The following FRMPD4 variants were observed in gnomAD, a reference collection of about 807,000 sequenced individuals.
The protein encoded by FRMPD4 is FERM and PDZ domain containing 4, also known as FERM and PDZ domain-containing protein 4.
Under a neutral mutation model 94.1 loss-of-function variants are expected in FRMPD4, and 22 were observed. The ratio of observed to expected loss-of-function variants is 0.23; its 90% CI spans 0.17 to 0.33. The LOEUF (loss-of-function observed/expected upper bound fraction) is 0.33. Among genes scored for constraint, FRMPD4 ranks in the 10% least tolerant of loss-of-function variants. The pLI, the probability that FRMPD4 is intolerant of heterozygous loss-of-function variation, is 1.00. For synonymous variants in FRMPD4, 631 were observed against 548.6 expected, an observed-to-expected ratio of 1.15 and a Z score of -2.10; for missense variants, 1,111 against 1,339.9, an observed-to-expected ratio of 0.83 and a Z score of 2.67.
intron 1 of FRMPD4, among the ~76,000 whole-genome samples, chrX:12,385,944 C>T (rs1601883714): frequency 8.9e-6 from 1 of 112,324 alleles, no homozygotes; most frequent in Non-Finnish European, 1.9e-5. Context: ...CCTTTAAAAT[C>T]ATTCCTTTGA....
intron 1 of FRMPD4, among the ~76,000 whole-genome samples, chrX:12,148,082 A>G (rs995184452): frequency 8.9e-6 from 1 of 112,077 alleles, no homozygotes; most frequent in African/African-American, 3.2e-5. Flanking sequence ...ACCCTACAGT[A>G]GCCTGCAAGT....
At chrX:11,918,698 C>G (rs111277237) in intron 3 of FRMPD4, among the ~76,000 whole-genome samples, 6,368 of 112,523 alleles carry the variant, frequency 0.057, 179 homozygotes, top group East Asian at 0.15. Flanking sequence ...ATTTGTATGT[C>G]CTAGCCACAC....
chrX:12,373,483 C>T (rs2056190676), intron 1 of FRMPD4, among the ~76,000 whole-genome samples: 1 of 111,860 alleles, frequency 8.9e-6, no homozygotes, highest in Admixed American at 9.5e-5. Flanking sequence ...TTTATCAAGG[C>T]AAGTGGCATA....
chrX:12,640,696 TAC>T lies in FRMPD4; in HGVS notation c.422+25818_422+25819del, dbSNP rs759952848. The stretch of plus-strand genomic sequence containing the variant: ...CCCAGTATGGCCTTGACATAGAAAT[TAC>T]ACTTTTAATCTGGTCTGTTTCTTAT... On this transcript the variant is annotated intron_variant, in intron 4 of 16. Transcript: ENST00000675598. Among the ~76,000 whole-genome samples, 38 of 112,443 alleles carry T rather than the reference TAC, an allele frequency of 3.4e-4. No homozygotes were observed. In the South Asian group the frequency reaches 5.2e-3, roughly 15 times the overall value.
At chrX:11,882,469 G>A (rs1010050406) in intron 3 of FRMPD4, among the ~76,000 whole-genome samples, 3 of 111,183 alleles carry the variant, frequency 2.7e-5, no homozygotes, top group Admixed American at 9.6e-5. Flanking sequence ...TCCCTAATTC[G>A]AAAATCCAAA....
At chrX:12,253,357 A>G (rs1173439876) in intron 1 of FRMPD4, among the ~76,000 whole-genome samples, 1 of 112,352 alleles carries the variant, frequency 8.9e-6, no homozygotes, top group African/African-American at 3.2e-5. Context: ...CAGCATTATG[A>G]ATATTTCATT....
intron 2 of FRMPD4, among the ~76,000 whole-genome samples, chrX:12,573,391 G>A (rs777973601): frequency 8.9e-6 from 1 of 112,235 alleles, no homozygotes; most frequent in East Asian, 2.8e-4. Flanking sequence ...CAAAATGAAG[G>A]ATAAAAAAGT....
In FRMPD4 at chrX:11,910,659, G is replaced by A. The variant is rs748690816; in HGVS notation, c.95+32641G>A. On this transcript the variant is annotated intron_variant, in intron 3 of 18. Coordinates refer to the FRMPD4 transcript ENST00000640291. ...TTAAGCTCCTGAGCTCAGGCAATCC[G>A]CTTGCCTTGGCCTCCCAAAGTGCTA... Among the ~76,000 whole-genome samples the A allele has an allele frequency of 1.8e-3, 196 of 111,516 alleles. 1 individual carries two copies. Among genetic ancestry groups the A allele is most frequent in the African/African-American group, 5.7e-3 (175 of 30,689 alleles).
chrX:12,481,572 G>T (rs12556376), intron 1 of FRMPD4, among the ~76,000 whole-genome samples: 3 of 110,569 alleles, frequency 2.7e-5, no homozygotes, highest in Non-Finnish European at 5.7e-5. Context: ...TGTAAACAGT[G>T]GGTTAACACA....
intron 3 of FRMPD4, among the ~76,000 whole-genome samples, chrX:11,930,834 G>A (rs1258997421): frequency 9.0e-6 from 1 of 111,158 alleles, no homozygotes; most frequent in Non-Finnish European, 1.9e-5. Context: ...GGCAGCTCTG[G>A]TGGCTCTCCG....
At chrX:12,441,231 G>A (rs2148122356) in intron 1 of FRMPD4, among the ~76,000 whole-genome samples, 1 of 111,407 alleles carries the variant, frequency 9.0e-6, no homozygotes, top group South Asian at 3.8e-4. Context: ...GTGCTACATG[G>A]CTTTGTCTAA....
At chrX:12,477,563 T>G (rs992369819) in intron 1 of FRMPD4, among the ~76,000 whole-genome samples, 1 of 112,533 alleles carries the variant, frequency 8.9e-6, no homozygotes, top group African/African-American at 3.2e-5. Context: ...TCAGCTGGGT[T>G]GTTTCCAGCT....
intron 3 of FRMPD4, among the ~76,000 whole-genome samples, chrX:12,074,813 C>G (rs1483482247): frequency 8.9e-6 from 1 of 112,506 alleles, no homozygotes; most frequent in African/African-American, 3.2e-5. Flanking sequence ...ATAAGATAAT[C>G]TCTTTCATCC....
intron 2 of FRMPD4, among the ~76,000 whole-genome samples, chrX:12,505,481 AC>A (rs1225744630): frequency 9.0e-6 from 1 of 110,929 alleles, no homozygotes; most frequent in Non-Finnish European, 1.9e-5. Context: ...TAATCCCAGC[AC>A]TTTGGGAGGC....
chrX:12,691,188 A>T (rs1421659510), intron 8 of FRMPD4, among the ~76,000 whole-genome samples: 2 of 112,204 alleles, frequency 1.8e-5, no homozygotes, highest in African/African-American at 6.5e-5. Flanking sequence ...TTAGTTCAAA[A>T]GTTGCCATCT....
chrX:12,351,100 A>G (rs766308398), intron 1 of FRMPD4, among the ~76,000 whole-genome samples: 2 of 107,745 alleles, frequency 1.9e-5, no homozygotes, highest in East Asian at 5.8e-4. Context: ...TGAACCAGGG[A>G]GTTGGAGGTT....
At chrX:11,907,178 T>A (rs1484625511) in intron 3 of FRMPD4, among the ~76,000 whole-genome samples, 12 of 111,450 alleles carry the variant, frequency 1.1e-4, no homozygotes, top group Admixed American at 4.8e-4. Flanking sequence ...TATTTTTTTT[T>A]AATTCTTAAA....
intron 1 of FRMPD4, among the ~76,000 whole-genome samples, chrX:12,402,252 C>G (rs955017571): frequency 7.2e-5 from 8 of 111,047 alleles, no homozygotes; most frequent in African/African-American, 2.3e-4. Flanking sequence ...CTGCGCCACC[C>G]CCCCCACAAA....
chrX:12,099,061 T>C (rs1372647399), intron 3 of FRMPD4, among the ~76,000 whole-genome samples: 1 of 43,176 alleles, frequency 2.3e-5, no homozygotes, highest in Non-Finnish European at 4.0e-5. Flanking sequence ...TGGGGACTGT[T>C]GTGGGGTGGG....
Sources: gnomAD v4.1 joint callset for allele counts (sites outside exome capture counted in the v4.1 genomes callset) on GRCh38, gnomAD v4.1.1 for gene constraint, MANE v1.5 for transcripts, NCBI Gene and HGNC (gene_info 2026-07-23, HGNC 2026-07-21) for gene names.